ZFYVE16: variants seen among roughly 807,000 people sequenced by gnomAD.
The protein encoded by ZFYVE16 is zinc finger FYVE domain-containing protein 16.
In ZFYVE16, 89 loss-of-function variants were observed where a neutral mutation model predicts 138.1. That is an observed-to-expected ratio of 0.64 (90% CI 0.54 to 0.77). The LOEUF is 0.77. ZFYVE16 is among the 30% of genes least tolerant of loss of function. The pLI is 0.00. For missense variants in ZFYVE16, 1,793 were observed against 1,786.7 expected, an observed-to-expected ratio of 1.00 and a Z score of -0.06; for synonymous variants, 596 against 618.3, an observed-to-expected ratio of 0.96 and a Z score of 0.53.
intron 2 of ZFYVE16, among the ~76,000 whole-genome samples, chr5:80,432,071 T>C (rs1376288548): frequency 6.6e-6 from 1 of 152,108 alleles, no homozygotes; most frequent in Admixed American, 6.6e-5. Flanking sequence ...CTTCACAGAA[T>C]TGGCAAAAAC....
chr5:80,439,795 A>G (rs1374026091), intron 4 of ZFYVE16, 141 bp from the exon 5 acceptor site: 2 of 469,000 alleles, frequency 4.3e-6, no homozygotes, highest in Non-Finnish European at 7.2e-6. Context: ...AAGAATTCCT[A>G]TGATTATGGT....
At chr5:80,455,911 T>A in intron 12 of ZFYVE16, 137 bp downstream of exon 12, 1 of 768,378 alleles carries the variant, frequency 1.3e-6, no homozygotes, top group Non-Finnish European at 2.0e-6. Flanking sequence ...CAATAAATCC[T>A]AATTATTTTA....
At chr5:80,455,586 T>G in intron 11 of ZFYVE16, 106 bp from the exon 12 acceptor site, 1 of 898,810 alleles carries the variant, frequency 1.1e-6, no homozygotes, top group South Asian at 1.5e-5. Context: ...GATTGAGTGA[T>G]ATTTATACAT....
rs775383265 is a variant in ZFYVE16, at chr5:80,437,329, T to A, written c.644T>A (p.Leu215His). ...KELGIKVDTT[L>H]SDSYNYSGTE... ...TTGGGTATAAAAGTAGATACAACAC[T>A]TTCAGATTCCTATAATTACAGTGGA... Residue 215 changes from leucine to histidine, a missense_variant, in exon 4 of 19, where the codon CTT becomes CAT. This residue lies in a region of ZFYVE16 where 1,295 missense variants were observed against 1,204.3 expected (regional missense o/e 1.08). Coordinates refer to ENST00000505560, the MANE Select transcript of ZFYVE16 (RefSeq NM_001284236.3). 8 of 1,601,930 alleles carry A rather than the reference T, an allele frequency of 5.0e-6. No homozygotes were observed. The highest frequency in any genetic ancestry group is 6.8e-6 in the Non-Finnish European group (8 of 1,175,436).
At chr5:80,429,123 C>T (rs146124975) in intron 2 of ZFYVE16, among the ~76,000 whole-genome samples, 4,722 of 152,110 alleles carry the variant, frequency 0.031, 267 homozygotes, top group African/African-American at 0.11. Flanking sequence ...AGATACTCCT[C>T]GAGAAGAGCA....
chr5:80,438,724 C>G lies in ZFYVE16; in HGVS notation c.2039C>G (p.Thr680Arg). Reference sequence around the variant, plus strand: ...GATACAATAGAAAGTGAACCCAGCACAGCAGATACCGTTGTTCCAATCACT... The same window carrying G: ...GATACAATAGAAAGTGAACCCAGCAGAGCAGATACCGTTGTTCCAATCACT... The part of the protein sequence containing the change: ...VPDTIESEPS[T>R]ADTVVPITCA... Residue 680 changes from threonine (T) to arginine (R), a missense_variant, in exon 4 of 19, where the codon ACA (threonine) becomes AGA (arginine). Transcript: ENST00000505560. The G allele has an allele frequency of 6.2e-7, 1 of 1,614,138 alleles. No homozygotes were observed. The highest frequency in any genetic ancestry group is 1.1e-5 in the South Asian group (1 of 91,078).
intron 1 of ZFYVE16, among the ~76,000 whole-genome samples, chr5:80,417,798 T>C (rs183013321): frequency 1.4e-4 from 22 of 152,344 alleles, no homozygotes; most frequent in Admixed American, 6.5e-5. Flanking sequence ...ATCCAAGTTA[T>C]TGTGTGAATG....
intron 18 of ZFYVE16, 47 bp from the exon 19 acceptor site, chr5:80,477,172 T>TA (rs1561345308): frequency 6.8e-7 from 1 of 1,476,768 alleles, no homozygotes; most frequent in Non-Finnish European, 9.1e-7. Flanking sequence ...CATTCCGAGT[T>TA]AAACAAGATT....
chr5:80,465,926 ATTC>A (rs1486789534), intron 15 of ZFYVE16, among the ~76,000 whole-genome samples: 4 of 149,870 alleles, frequency 2.7e-5, no homozygotes, highest in African/African-American at 9.8e-5. Flanking sequence ...ATATATTGGT[ATTC>A]TTTTTTTTTT....
intron 2 of ZFYVE16, among the ~76,000 whole-genome samples, chr5:80,430,845 T>C (rs2112307353): frequency 6.6e-6 from 1 of 152,040 alleles, no homozygotes; most frequent in East Asian, 1.9e-4. Flanking sequence ...CTAGAAGAAA[T>C]GGATAAATTG....
Position 80,445,259 on chromosome 5 carries a change from C to A in ZFYVE16, c.2582-4C>A. ...AAATGTTTTACTTTTTCAATTGATT[C>A]TAGGACTATGTTCCAAAGAACAGAA... On this transcript the variant is annotated splice_polypyrimidine_tract_variant and splice_region_variant and intron_variant, in intron 6 of 18. Coordinates refer to ENST00000505560, the MANE Select transcript of ZFYVE16 (RefSeq NM_001284236.3). The A allele has an allele frequency of 1.2e-6, 2 of 1,611,182 alleles. No homozygotes were observed. The highest frequency in any genetic ancestry group is 1.7e-6 in the Non-Finnish European group (2 of 1,179,142).
At chr5:80,435,569 A>C (rs1749779914) in intron 3 of ZFYVE16, among the ~76,000 whole-genome samples, 1 of 152,094 alleles carries the variant, frequency 6.6e-6, no homozygotes, top group African/African-American at 2.4e-5. Context: ...AGTGCAACTA[A>C]GTTTCTTTTT....
chr5:80,465,163 C>T (rs778066305), intron 15 of ZFYVE16, among the ~76,000 whole-genome samples: 6 of 152,004 alleles, frequency 3.9e-5, no homozygotes, highest in Non-Finnish European at 7.4e-5. Context: ...TACAGTCTAG[C>T]ATCCTTTTAT....
chr5:80,474,945 G>A (rs1754749766), intron 18 of ZFYVE16, 115 bp downstream of exon 18: 6 of 1,110,458 alleles, frequency 5.4e-6, no homozygotes, highest in Non-Finnish European at 7.6e-6. Flanking sequence ...AGCATCAAAT[G>A]TGTGCTACAC....
Position 80,438,656 on chromosome 5 carries a change from A to C in ZFYVE16, c.1971A>C (p.Ser657=). ...ARPKQLFSLP[S]RTRSSKDLNK... Reference sequence around the variant, plus strand: ...CTAAGCAATTGTTTAGCCTTCCATCAAGAACAAGGAGTTCAAAGGACCTGA... The same window carrying C: ...CTAAGCAATTGTTTAGCCTTCCATCCAGAACAAGGAGTTCAAAGGACCTGA... The change falls in exon 4 of 19, where the codon TCA becomes TCC. Residue 657 remains serine (S), a synonymous_variant. Coordinates refer to ENST00000505560, the MANE Select transcript of ZFYVE16 (RefSeq NM_001284236.3). 6.2e-7 allele frequency: 1 copy of C among 1,614,126 alleles called. No homozygotes were observed. Among genetic ancestry groups the C allele is most frequent in the Non-Finnish European group, 8.5e-7 (1 of 1,179,990 alleles).
At chr5:80,452,602 C>T (rs1004576625) in intron 11 of ZFYVE16, 1 of 152,064 alleles carries the variant, frequency 6.6e-6, no homozygotes, top group East Asian at 1.9e-4. Context: ...GAAGATAAAT[C>T]GTTGCGTCTC....
intron 2 of ZFYVE16, among the ~76,000 whole-genome samples, chr5:80,433,229 C>T (rs979306578): frequency 4.6e-5 from 7 of 152,260 alleles, no homozygotes; most frequent in Non-Finnish European, 7.3e-5. Context: ...AAATGTGGCA[C>T]ATATACACCA....
chr5:80,413,472 AAAAAAAAAAAAAAG>A, intron 1 of ZFYVE16, among the ~76,000 whole-genome samples: 1 of 10,864 alleles, frequency 9.2e-5, no homozygotes, highest in African/African-American at 1.0e-4. Flanking sequence ...ACTTCATCTC[AAAAAAAAAAAAAAG>A]AAAAAAAAAA....
At chr5:80,440,278 C>T in intron 5 of ZFYVE16, 1 of 1,127,698 alleles carries the variant, frequency 8.9e-7, no homozygotes, top group Non-Finnish European at 1.1e-6. Flanking sequence ...TTAACAGGTA[C>T]CAAGTCCCTA....
Sources: gnomAD v4.1 joint callset for allele counts (sites outside exome capture counted in the v4.1 genomes callset) on GRCh38, gnomAD v4.1.1 for gene constraint, gnomAD v4.1.1 regional missense constraint, MANE v1.5 for transcripts, NCBI Gene and HGNC (gene_info 2026-07-23, HGNC 2026-07-21) for gene names.